The following CNGB1 variants were observed in gnomAD, a reference collection of about 807,000 sequenced individuals.
The protein encoded by CNGB1 is cyclic nucleotide-gated channel beta-1.
A neutral mutation model predicts 151.7 loss-of-function variants in CNGB1; 126 were observed. The observed-to-expected ratio is 0.83, with a 90% CI of 0.72 to 0.96. The LOEUF is 0.96. Ranked by LOEUF, CNGB1 falls within the 40% of genes least tolerant of loss-of-function variation. CNGB1 has a pLI of 0.00. For missense variants in CNGB1, 1,698 were observed against 1,627.0 expected, an observed-to-expected ratio of 1.04 and a Z score of -0.75; for synonymous variants, 623 against 635.1, an observed-to-expected ratio of 0.98 and a Z score of 0.29.
intron 25 of CNGB1, among the ~76,000 whole-genome samples, chr16:57,908,962 C>A (rs437947): frequency 0.58 from 88,132 of 152,050 alleles, 26,193 homozygotes; most frequent in African/African-American, 0.73. Flanking sequence ...GGCAGGGGAG[C>A]GAGTGTCGCC....
intron 17 of CNGB1, among the ~76,000 whole-genome samples, chr16:57,923,888 A>G (rs1199003892): frequency 4.6e-5 from 7 of 152,152 alleles, no homozygotes; most frequent in African/African-American, 1.7e-4. Flanking sequence ...TCTCCGCCTT[A>G]CGGTGTGACC....
At chr16:57,943,147 G>A (rs1247495340) in intron 14 of CNGB1, among the ~76,000 whole-genome samples, 2 of 151,960 alleles carry the variant, frequency 1.3e-5, no homozygotes, top group Non-Finnish European at 2.9e-5. Flanking sequence ...AGTCAAATAA[G>A]GGGTTAATAT....
At chr16:57,967,497 C>T in intron 1 of CNGB1, 1 of 579,270 alleles carries the variant, frequency 1.7e-6, no homozygotes, top group South Asian at 2.0e-5. Context: ...AGTTTGAGAT[C>T]AGCCTGGGCA....
rs1358456099 is a variant in CNGB1, at chr16:57,939,677, A to T, written c.1210-85T>A. ...CAGCTCCTGTTAGATCTGCCTTCAG[A>T]AGTCCACATGGGCCCAGTTCTGCTT... On this transcript the variant is annotated intron_variant, in intron 15 of 32. Coordinates refer to ENST00000251102, the MANE Select transcript of CNGB1 (RefSeq NM_001297.5). The T allele has an allele frequency of 2.5e-6, 4 of 1,568,670 alleles. No homozygotes were observed. The African/African-American group carries it at 5.4e-5, about 21-fold the overall frequency.
intron 12 of CNGB1, among the ~76,000 whole-genome samples, chr16:57,954,006 T>C (rs567179524): frequency 1.8e-4 from 27 of 152,324 alleles, no homozygotes; most frequent in African/African-American, 6.3e-4. Context: ...CCTGCTTTGA[T>C]TGCTTTCCCT....
At chr16:57,899,369 G>T (rs562180726) in intron 29 of CNGB1, among the ~76,000 whole-genome samples, 1 of 152,344 alleles carries the variant, frequency 6.6e-6, no homozygotes, top group South Asian at 2.1e-4. Context: ...GCCGGGTGCA[G>T]TGGCTCATGC....
chr16:57,883,966 C>G lies in CNGB1; in HGVS notation c.*198G>C, dbSNP rs2149349902. 1.5e-6 allele frequency: 1 copy of G among 678,394 alleles called. No homozygotes were observed. The allele number at this position is 678,394 out of a possible 1,614,324, so 42.0% of individuals were successfully genotyped here. On this transcript the variant is annotated 3_prime_UTR_variant, in exon 33 of 33. Transcript: ENST00000251102. The stretch of plus-strand genomic sequence containing the variant: ...AACACTTGATGCAACTTGTCGAGCT[C>G]AGGCCCAGCCCCGCGAGGAGCTGAG...
chr16:57,954,750 G>A, intron 12 of CNGB1: 3 of 969,476 alleles, frequency 3.1e-6, no homozygotes, highest in Non-Finnish European at 3.7e-6. Context: ...CCAAGCCTTG[G>A]AAGGAGAGAG....
At chr16:57,927,814 G>A (rs1408149117) in intron 17 of CNGB1, among the ~76,000 whole-genome samples, 1 of 152,192 alleles carries the variant, frequency 6.6e-6, no homozygotes, top group Non-Finnish European at 1.5e-5. Flanking sequence ...ATGGAGAGAT[G>A]TCTACAAGTG....
chr16:57,914,309 G>A (rs772432550), intron 23 of CNGB1, among the ~76,000 whole-genome samples: 2 of 152,158 alleles, frequency 1.3e-5, no homozygotes, highest in African/African-American at 2.4e-5. Context: ...GCCCCTGGGA[G>A]GCTGGTATGT....
At chr16:57,947,439 C>A (rs569619970) in intron 14 of CNGB1, among the ~76,000 whole-genome samples, 1 of 152,196 alleles carries the variant, frequency 6.6e-6, no homozygotes, top group Non-Finnish European at 1.5e-5. Flanking sequence ...CAGCTAAGTT[C>A]CTCATCTTGC....
In CNGB1 at chr16:57,912,799, G is replaced by A; in HGVS notation, c.2369+131C>T. On this transcript the variant is annotated intron_variant, in intron 24 of 32. Coordinates refer to ENST00000251102, the MANE Select transcript of CNGB1 (RefSeq NM_001297.5). ...GTTGTGTGTGCATGTATGTGTGTAT[G>A]TTGTGTGTGTGTTGTGTGTGTCGTG... is the stretch of plus-strand genomic sequence containing the variant. 4.5e-6 allele frequency: 4 copies of A among 897,330 alleles called. No homozygotes were observed. In the South Asian group the frequency reaches 5.6e-5, roughly 13 times the overall value. The allele number at this position is 897,330 out of a possible 1,614,324, so 55.6% of individuals were successfully genotyped here. A position where few individuals can be genotyped will look rare whatever the true frequency, so the allele number is the denominator to read the frequency against.
intron 4 of CNGB1, 116 bp from the exon 5 acceptor site, chr16:57,963,180 T>A (rs1238562509): frequency 1.2e-6 from 1 of 849,598 alleles, no homozygotes; most frequent in East Asian, 2.4e-5. Flanking sequence ...TCTGTATGTG[T>A]GTGGTGTGGT....
Position 57,903,905 on chromosome 16 carries a change from A to C in CNGB1, c.2711T>G (p.Met904Arg). 6.2e-7 allele frequency: 1 copy of C among 1,614,098 alleles called. No individual in the cohort carries two copies. The highest frequency in any genetic ancestry group is 1.3e-5 in the African/African-American group (1 of 75,022). The change falls in exon 27 of 33, where the codon ATG becomes AGG. Residue 904 changes from methionine to arginine, a missense_variant. Met to Arg is a moderately conservative substitution (Grantham distance 91). Transcript: ENST00000251102. ...RSCMDSTVKYMNFYKIPKSVQ... is the reference protein window; with the variant it reads ...RSCMDSTVKYRNFYKIPKSVQ... ...GGACTTGGGGATCTTGTAGAAATTC[A>C]TGTACTTCACCGTGCTGTCCATGCA...
intron 29 of CNGB1, among the ~76,000 whole-genome samples, chr16:57,900,749 G>T (rs1182734582): frequency 1.3e-5 from 2 of 152,098 alleles, no homozygotes; most frequent in African/African-American, 4.8e-5. Context: ...ATTTGGGAAA[G>T]TGGACCCAGC....
intron 11 of CNGB1, among the ~76,000 whole-genome samples, 197 bp from the exon 12 acceptor site, chr16:57,957,574 G>A (rs933156162): frequency 6.6e-6 from 1 of 152,208 alleles, no homozygotes; most frequent in Non-Finnish European, 1.5e-5. Flanking sequence ...TTGAGAGCTC[G>A]AGCCTTGGCT....
intron 24 of CNGB1, among the ~76,000 whole-genome samples, chr16:57,912,573 T>A (rs1960748982): frequency 7.1e-6 from 1 of 141,532 alleles, no homozygotes; most frequent in Non-Finnish European, 1.5e-5. Flanking sequence ...CTTCCTGTGT[T>A]GTGTGTGTGT....
At chr16:57,917,641 C>T (rs919418243) in intron 20 of CNGB1, among the ~76,000 whole-genome samples, 165 bp from the exon 21 acceptor site, 2 of 149,844 alleles carry the variant, frequency 1.3e-5, no homozygotes, top group Non-Finnish European at 3.0e-5. Context: ...CACACACACA[C>T]ACACACACAT....
At chr16:57,953,508 A>AG (rs1291202502) in intron 12 of CNGB1, among the ~76,000 whole-genome samples, 6 of 151,334 alleles carry the variant, frequency 4.0e-5, no homozygotes, top group Non-Finnish European at 7.4e-5. Context: ...AAAAAAAAAA[A>AG]AAAAGAAAGT....
Sources: allele counts gnomAD v4.1 joint callset (sites outside exome capture counted in the v4.1 genomes callset), GRCh38; gene constraint gnomAD v4.1.1; transcripts MANE v1.5; gene names NCBI Gene and HGNC (gene_info 2026-07-23, HGNC 2026-07-21).